Variants in PCDH11X observed in about 807,000 individuals in gnomAD.
PCDH11X encodes protocadherin-11 X-linked.
In PCDH11X, 18 loss-of-function variants were observed where a neutral mutation model predicts 53.3. The ratio of observed to expected loss-of-function variants is 0.34; its 90% CI spans 0.23 to 0.50. PCDH11X has a LOEUF of 0.50. PCDH11X is among the 20% of genes least tolerant of loss of function. The probability of loss-of-function intolerance (pLI) is 0.98; values close to 1 mark genes in which losing one functional copy is unlikely to be tolerated. For synonymous variants in PCDH11X, 279 were observed against 393.3 expected, an observed-to-expected ratio of 0.71 and a Z score of 3.44; for missense variants, 570 against 1,032.4, an observed-to-expected ratio of 0.55 and a Z score of 6.14.
chrX:92,004,982 G>A (rs1233942271), intron 6 of PCDH11X, among the ~76,000 whole-genome samples: 6 of 109,730 alleles, frequency 5.5e-5, no homozygotes, highest in Admixed American at 1.9e-4. Flanking sequence ...CACCATGTTA[G>A]CCAGGATGGT....
intron 10 of PCDH11X, among the ~76,000 whole-genome samples, chrX:92,484,141 GTA>G (rs1185445623): frequency 1.4e-4 from 5 of 37,031 alleles, no homozygotes; most frequent in South Asian, 1.4e-3. Flanking sequence ...ATATATGTAT[GTA>G]TATATATGTA....
Position 91,985,763 on chromosome X carries a change from G to A in PCDH11X, c.3033+106490G>A, listed in dbSNP as rs527303608. 1.3e-3 allele frequency among the ~76,000 whole-genome samples: 143 copies of A among 111,494 alleles called. 3 individuals are homozygous for A. In the South Asian group the frequency reaches 0.054, roughly 42 times the overall value. ...TGGAGTTACCATTTCAGAGGGAAAG[G>A]GTATGCTTTATAAAACTAGCAGAAA... On this transcript the variant is annotated intron_variant, in intron 6 of 10. Coordinates refer to ENST00000682573, the MANE Select transcript of PCDH11X (RefSeq NM_032968.5).
intron 8 of PCDH11X, among the ~76,000 whole-genome samples, chrX:92,375,142 T>TTATATATA (rs1260512423): frequency 0.021 from 266 of 12,933 alleles, 21 homozygotes; most frequent in Middle Eastern, 0.053. Context: ...TTCCATTCAT[T>TTATATATA]TATATATATA....
Position 91,850,563 on chromosome X carries a change from TATC to T in PCDH11X, c.540+14523_540+14525del, listed in dbSNP as rs772236284. Among the ~76,000 whole-genome samples the T allele has an allele frequency of 3.3e-3, 366 of 111,889 alleles. 3 individuals are homozygous for T. The highest frequency in any genetic ancestry group is 0.012 in the African/African-American group (357 of 30,977). ...AATATTTTCTACCATATTGCTCAAT[TATC>T]ATCCTTTTATCATAGCAACTTATCA... On this transcript the variant is annotated intron_variant, in intron 5 of 10. Coordinates refer to ENST00000682573, the MANE Select transcript of PCDH11X (RefSeq NM_032968.5).
At position 92,401,430 on chromosome X, in the gene PCDH11X, A is replaced by G. The variant is rs79145642; in HGVS notation, c.3343+13497A>G. 2.6e-3 allele frequency among the ~76,000 whole-genome samples: 289 copies of G among 111,154 alleles called. 7 individuals are homozygous for G. The East Asian group carries it at 0.051, about 20-fold the overall frequency. The stretch of plus-strand genomic sequence containing the variant: ...TTTTTTCTTGTGTAGACATGGCAGC[A>G]CAATTTTGTTTTACTTCATCACAAG... On this transcript the variant is annotated intron_variant, in intron 9 of 10. Transcript: ENST00000682573.
At chrX:92,457,115 T>C (rs111695155) in intron 9 of PCDH11X, among the ~76,000 whole-genome samples, 1 of 109,405 alleles carries the variant, frequency 9.1e-6, no homozygotes, top group African/African-American at 3.3e-5. Flanking sequence ...TTTTATTCCA[T>C]TCCTTTGTTA....
intron 9 of PCDH11X, among the ~76,000 whole-genome samples, chrX:92,422,588 T>A (rs2071996396): frequency 8.9e-6 from 1 of 111,793 alleles, no homozygotes; most frequent in Admixed American, 9.5e-5. Flanking sequence ...TATATATTTT[T>A]GAAATCGCAA....
chrX:92,399,652 C>G (rs1470382951), intron 9 of PCDH11X, among the ~76,000 whole-genome samples: 3 of 111,845 alleles, frequency 2.7e-5, no homozygotes, highest in Non-Finnish European at 5.6e-5. Context: ...CTTGATTCTT[C>G]AATAAAGAGA....
chrX:91,960,449 G>A (rs773498074), intron 6 of PCDH11X, among the ~76,000 whole-genome samples: 68 of 110,392 alleles, frequency 6.2e-4, no homozygotes, highest in African/African-American at 2.0e-3. Context: ...GTTTGAGATG[G>A]AGTCTTGATC....
intron 4 of PCDH11X, among the ~76,000 whole-genome samples, chrX:91,825,503 C>T (rs1379358609): frequency 2.7e-5 from 3 of 112,228 alleles, no homozygotes; most frequent in African/African-American, 9.7e-5. Context: ...TTGCACTTTC[C>T]AAGTGAGGCA....
Position 92,279,698 on chromosome X carries a change from T to C in PCDH11X, c.3144+16555T>C, listed in dbSNP as rs374737705. Among the ~76,000 whole-genome samples, 401 of 112,634 alleles carry C rather than the reference T, an allele frequency of 3.6e-3. 4 individuals are homozygous for C. The highest frequency in any genetic ancestry group is 0.012 in the African/African-American group (385 of 31,087). On this transcript the variant is annotated intron_variant, in intron 8 of 10. Transcript: ENST00000682573. ...AATATATTTAACTTTTACTTGGCAATATATTACTTGGCCTATGTATTAGTT... is the reference window on the plus strand; with the variant it reads ...AATATATTTAACTTTTACTTGGCAACATATTACTTGGCCTATGTATTAGTT...
chrX:91,921,974 A>G (rs1369704615), intron 6 of PCDH11X, among the ~76,000 whole-genome samples: 1 of 111,261 alleles, frequency 9.0e-6, no homozygotes, highest in Non-Finnish European at 1.9e-5. Context: ...AGTGTTTTCT[A>G]TCATATAGGA....
intron 8 of PCDH11X, among the ~76,000 whole-genome samples, chrX:92,273,266 C>T (rs2067999343): frequency 9.2e-6 from 1 of 109,090 alleles, no homozygotes; most frequent in Non-Finnish European, 1.9e-5. Flanking sequence ...GGGTTGTTCT[C>T]TGGTGGGCAG....
At chrX:92,480,916 T>C (rs1471457582) in intron 10 of PCDH11X, among the ~76,000 whole-genome samples, 1 of 111,326 alleles carries the variant, frequency 9.0e-6, no homozygotes, top group Non-Finnish European at 1.9e-5. Flanking sequence ...GGTACTTGTC[T>C]CCCTACACAC....
chrX:92,452,075 T>C lies in PCDH11X; in HGVS notation c.3344-16224T>C, dbSNP rs773631068. Among the ~76,000 whole-genome samples the C allele has an allele frequency of 4.6e-5, 5 of 109,784 alleles. No individual in the cohort carries two copies. In the South Asian group the frequency reaches 1.2e-3, roughly 26 times the overall value. ...AATATTATCTGTATTTGGATATGGA[T>C]AGACAAATTATGTCGATAGAGAGAG... is the stretch of plus-strand genomic sequence containing the variant. On this transcript the variant is annotated intron_variant, in intron 9 of 10. Coordinates refer to ENST00000682573, the MANE Select transcript of PCDH11X (RefSeq NM_032968.5).
intron 6 of PCDH11X, among the ~76,000 whole-genome samples, chrX:92,001,173 G>A (rs2062502610): frequency 9.0e-6 from 1 of 111,410 alleles, no homozygotes; most frequent in East Asian, 2.8e-4. Flanking sequence ...CCTGGTGATT[G>A]TACTAATTTC....
intron 6 of PCDH11X, among the ~76,000 whole-genome samples, chrX:91,898,710 C>T (rs1940844055): frequency 1.0e-5 from 1 of 96,083 alleles, no homozygotes; most frequent in South Asian, 5.4e-4. Context: ...ATTCTTACCA[C>T]TGCATGCACA....
At chrX:92,505,217 CTTTT>C (rs35567791) in intron 10 of PCDH11X, among the ~76,000 whole-genome samples, 1 of 39,810 alleles carries the variant, frequency 2.5e-5, no homozygotes, top group Non-Finnish European at 4.2e-5. Flanking sequence ...TCACACTTGT[CTTTT>C]TTTTTTTTTT....
chrX:92,004,937 G>A (rs750629054), intron 6 of PCDH11X, among the ~76,000 whole-genome samples: 85 of 109,308 alleles, frequency 7.8e-4, no homozygotes, highest in Non-Finnish European at 1.4e-3. Context: ...CACCGCGCCC[G>A]GCTAATTTTT....
Sources: allele counts gnomAD v4.1 joint callset (sites outside exome capture counted in the v4.1 genomes callset), GRCh38; gene constraint gnomAD v4.1.1; transcripts MANE v1.5; gene names NCBI Gene and HGNC (gene_info 2026-07-23, HGNC 2026-07-21).